Variants in FAM240B observed in about 807,000 individuals in gnomAD.
FAM240B encodes protein FAM240B.
At chr9:38,708,804 T>C (rs1213502240) in intron 1 of FAM240B, among the ~76,000 whole-genome samples, 1 of 152,200 alleles carries the variant, frequency 6.6e-6, no homozygotes, top group Non-Finnish European at 1.5e-5. Context: ...AGTCTCCTTG[T>C]CTTTAGTTTA....
intron 1 of FAM240B, among the ~76,000 whole-genome samples, chr9:38,714,552 C>T (rs971160132): frequency 7.2e-5 from 11 of 152,128 alleles, no homozygotes; most frequent in Non-Finnish European, 1.6e-4. Flanking sequence ...CAAATACCCC[C>T]TTAAATAAGT....
intron 1 of FAM240B, among the ~76,000 whole-genome samples, chr9:38,707,629 A>AC (rs1268548755): frequency 1.4e-4 from 20 of 145,560 alleles, no homozygotes; most frequent in African/African-American, 3.0e-4. Flanking sequence ...AAAAAAACAA[A>AC]AAAAAAACCA....
intron 1 of FAM240B, among the ~76,000 whole-genome samples, chr9:38,704,986 G>T (rs1255102311): frequency 6.6e-6 from 1 of 152,206 alleles, no homozygotes; most frequent in Non-Finnish European, 1.5e-5. Flanking sequence ...GGGCAAGCTC[G>T]TTCAGCATAT....
At chr9:38,718,225 A>T (rs1176220182) in intron 1 of FAM240B, among the ~76,000 whole-genome samples, 3 of 152,234 alleles carry the variant, frequency 2.0e-5, no homozygotes, top group Non-Finnish European at 4.4e-5. Flanking sequence ...ATTACAAAAA[A>T]TTCCAGAGTA....
At chr9:38,710,732 G>T (rs1821245362) in intron 1 of FAM240B, among the ~76,000 whole-genome samples, 1 of 152,212 alleles carries the variant, frequency 6.6e-6, no homozygotes, top group South Asian at 2.1e-4. Context: ...CTACTGGCTG[G>T]TGGGCTGCAG....
At chr9:38,697,599 G>A (rs10973976) in intron 2 of FAM240B, among the ~76,000 whole-genome samples, 6 of 152,100 alleles carry the variant, frequency 3.9e-5, no homozygotes, top group Non-Finnish European at 8.8e-5. Context: ...TTTAAATGTA[G>A]ACATTATTAA....
intron 1 of FAM240B, among the ~76,000 whole-genome samples, chr9:38,704,616 G>A (rs1408309467): frequency 2.0e-5 from 3 of 152,186 alleles, no homozygotes; most frequent in Non-Finnish European, 4.4e-5. Flanking sequence ...GCATGTGTAA[G>A]ATGCACATCA....
intron 1 of FAM240B, among the ~76,000 whole-genome samples, chr9:38,717,953 G>A (rs1487500142): frequency 6.6e-6 from 1 of 152,180 alleles, no homozygotes; most frequent in Non-Finnish European, 1.5e-5. Flanking sequence ...ACTTCCCAAA[G>A]ACACCCACTG....
chr9:38,717,135 G>A (rs1821313065), intron 1 of FAM240B, among the ~76,000 whole-genome samples: 1 of 152,264 alleles, frequency 6.6e-6, no homozygotes, highest in African/African-American at 2.4e-5. Context: ...AAGAGCAGGG[G>A]GCTCCTAGGG....
In FAM240B at chr9:38,711,161, TC is replaced by T. The variant is rs550256322; in HGVS notation, c.-3-7160del. Among the ~76,000 whole-genome samples, 22 of 152,306 alleles carry T rather than the reference TC, an allele frequency of 1.4e-4. No homozygotes were observed. In the Middle Eastern group the frequency reaches 0.01, roughly 71 times the overall value. The stretch of plus-strand genomic sequence containing the variant: ...ACATCAAGACACACATCCCTTTTCC[TC>T]TCCGCACTTTCTGTCGAAGTGCTCG... On this transcript the variant is annotated intron_variant, in intron 1 of 2. Transcript: ENST00000637493.
At chr9:38,697,735 T>G (rs1252261029) in intron 2 of FAM240B, among the ~76,000 whole-genome samples, 1 of 152,248 alleles carries the variant, frequency 6.6e-6, no homozygotes, top group Non-Finnish European at 1.5e-5. Context: ...CTTAGGTCTA[T>G]TTCACCTGTT....
At chr9:38,711,846 T>G (rs1821259496) in intron 1 of FAM240B, among the ~76,000 whole-genome samples, 1 of 151,896 alleles carries the variant, frequency 6.6e-6, no homozygotes, top group South Asian at 2.1e-4. Flanking sequence ...TTAGTAGAGA[T>G]GGGGTTTCAG....
intron 2 of FAM240B, among the ~76,000 whole-genome samples, chr9:38,697,093 G>C (rs1821078047): frequency 6.6e-6 from 1 of 152,100 alleles, no homozygotes; most frequent in Non-Finnish European, 1.5e-5. Flanking sequence ...TGCTGCCTGG[G>C]TGTTTCATTG....
chr9:38,712,922 A>G (rs569587217), intron 1 of FAM240B, among the ~76,000 whole-genome samples: 2 of 152,230 alleles, frequency 1.3e-5, no homozygotes, highest in East Asian at 1.9e-4. Context: ...TCCCTCCTTC[A>G]TTTAGGGAAA....
At chr9:38,705,000 T>A (rs1821172617) in intron 1 of FAM240B, among the ~76,000 whole-genome samples, 1 of 152,228 alleles carries the variant, frequency 6.6e-6, no homozygotes, top group Non-Finnish European at 1.5e-5. Flanking sequence ...AGCATATGTA[T>A]ATACATCCTA....
At chr9:38,698,573 G>T (rs73452501) in intron 2 of FAM240B, among the ~76,000 whole-genome samples, 13,202 of 152,182 alleles carry the variant, frequency 0.087, 596 homozygotes, top group South Asian at 0.13. Context: ...CAGAGAGCCA[G>T]GTAAACATTC....
At chr9:38,709,078 G>A (rs943798709) in intron 1 of FAM240B, among the ~76,000 whole-genome samples, 1 of 152,068 alleles carries the variant, frequency 6.6e-6, no homozygotes, top group South Asian at 2.1e-4. Flanking sequence ...ACTGAGTGAT[G>A]CTGAACATGT....
chr9:38,717,721 A>T (rs1821324751), intron 1 of FAM240B, among the ~76,000 whole-genome samples: 2 of 151,282 alleles, frequency 1.3e-5, no homozygotes, highest in South Asian at 4.2e-4. Flanking sequence ...TGACCTCGTG[A>T]TCCGCCCGCC....
chr9:38,710,010 G>T (rs1053105108), intron 1 of FAM240B, among the ~76,000 whole-genome samples: 3 of 152,068 alleles, frequency 2.0e-5, no homozygotes, highest in Non-Finnish European at 2.9e-5. Context: ...TTGCTTTGTC[G>T]CCAGGCTGGA....
Sources: gnomAD v4.1 joint callset for allele counts (sites outside exome capture counted in the v4.1 genomes callset) on GRCh38, gnomAD v4.1.1 for gene constraint, MANE v1.5 for transcripts, NCBI Gene and HGNC (gene_info 2026-07-23, HGNC 2026-07-21) for gene names.